ENDOD1: variants seen among roughly 807,000 people sequenced by gnomAD.
The protein encoded by ENDOD1 is endonuclease domain-containing 1 protein.
In ENDOD1, 9 loss-of-function variants were observed where a neutral mutation model predicts 6.5. The ratio of observed to expected loss-of-function variants is 1.39; its 90% CI spans 0.84 to 2.43. The LOEUF (loss-of-function observed/expected upper bound fraction) is 2.43, where lower values mean the gene tolerates loss of function less well. Ranked by LOEUF, ENDOD1 falls within the 30% of genes most tolerant of loss-of-function variation. ENDOD1 has a pLI of 0.00. For synonymous variants in ENDOD1, 255 were observed against 255.2 expected (o/e 1.00, Z 0.01); for missense variants, 648 against 635.5 (o/e 1.02, Z -0.21).
chr11:95,129,537 G>A lies in ENDOD1; in HGVS notation c.1461G>A (p.Arg487=). 6.2e-7 allele frequency: 1 copy of A among 1,614,078 alleles called. No homozygotes were observed. The highest frequency in any genetic ancestry group is 8.5e-7 in the Non-Finnish European group (1 of 1,179,986). ...LFQVVFSVCK[R]IGYKVTFDNS... ...AGGTGGTTTTTAGTGTCTGCAAGCG[G>A]ATTGGCTACAAGGTTACTTTTGACA... The change falls in exon 2 of 2, where the codon CGG becomes CGA. Residue 487 remains arginine (R), a synonymous_variant. Transcript: ENST00000278505.
chr11:95,093,178 A>G (rs1333480760), intron 1 of ENDOD1, among the ~76,000 whole-genome samples: 3 of 152,248 alleles, frequency 2.0e-5, no homozygotes, highest in Non-Finnish European at 4.4e-5. Flanking sequence ...ACACTGCAGA[A>G]TGCAGTTTAC....
chr11:95,105,129 G>C (rs1002731947), intron 1 of ENDOD1, among the ~76,000 whole-genome samples: 1 of 152,190 alleles, frequency 6.6e-6, no homozygotes, highest in Admixed American at 6.5e-5. Flanking sequence ...CACTGGGGCC[G>C]TATCAGTCAG....
intron 1 of ENDOD1, among the ~76,000 whole-genome samples, chr11:95,127,374 A>C (rs538833910): frequency 1.3e-5 from 2 of 152,366 alleles, no homozygotes; most frequent in South Asian, 4.1e-4. Flanking sequence ...TATATAGCAC[A>C]TGTCTAGATT....
chr11:95,125,795 A>G (rs1424420755), intron 1 of ENDOD1, among the ~76,000 whole-genome samples: 1 of 152,144 alleles, frequency 6.6e-6, no homozygotes, highest in Non-Finnish European at 1.5e-5. Context: ...GTGGCTGCAT[A>G]GTATTCCATG....
rs184927993 is a variant in ENDOD1, at chr11:95,107,429, G to C, written c.300+17202G>C. 1.4e-3 allele frequency among the ~76,000 whole-genome samples: 212 copies of C among 152,046 alleles called. 2 individuals carry two copies. Among genetic ancestry groups the C allele is most frequent in the African/African-American group, 5.0e-3 (206 of 41,494 alleles). ...TGTGCAGCCAGGCCTAAGAACCTTT[G>C]ATCTTGTCTGAACTCAGAAGGTGGA... On this transcript the variant is annotated intron_variant, in intron 1 of 1. Coordinates refer to ENST00000278505, the MANE Select transcript of ENDOD1 (RefSeq NM_015036.3).
rs543859470 is a variant in ENDOD1, at chr11:95,097,064, A to G, written c.300+6837A>G. 4.0e-5 allele frequency among the ~76,000 whole-genome samples: 6 copies of G among 150,726 alleles called. No homozygotes were observed. The East Asian group carries it at 1.2e-3, about 30-fold the overall frequency. ...AACTACTCATGGAGGCTAAGGTGGGAGGATCATTTGGGCCTGGGAGGTAGA... is the reference window on the plus strand; with the variant it reads ...AACTACTCATGGAGGCTAAGGTGGGGGGATCATTTGGGCCTGGGAGGTAGA... On this transcript the variant is annotated intron_variant, in intron 1 of 1. Coordinates refer to ENST00000278505, the MANE Select transcript of ENDOD1 (RefSeq NM_015036.3).
chr11:95,125,422 C>T (rs1420051023), intron 1 of ENDOD1, among the ~76,000 whole-genome samples: 1 of 152,080 alleles, frequency 6.6e-6, no homozygotes, highest in Non-Finnish European at 1.5e-5. Flanking sequence ...GCAGCTTAAC[C>T]AAATGAATGA....
At chr11:95,094,839 C>G (rs1462596865) in intron 1 of ENDOD1, among the ~76,000 whole-genome samples, 1 of 152,208 alleles carries the variant, frequency 6.6e-6, no homozygotes, top group East Asian at 1.9e-4. Context: ...GATCCCTGCT[C>G]TTCCATTTAC....
At chr11:95,104,482 TATCTCATC>T (rs1242749830) in intron 1 of ENDOD1, among the ~76,000 whole-genome samples, 3 of 151,322 alleles carry the variant, frequency 2.0e-5, no homozygotes, top group African/African-American at 7.3e-5. Context: ...AAGGACAACT[TATCTCATC>T]ATCTTCATTT....
intron 1 of ENDOD1, among the ~76,000 whole-genome samples, chr11:95,104,157 C>T (rs1222508146): frequency 1.3e-5 from 2 of 152,206 alleles, no homozygotes; most frequent in African/African-American, 4.8e-5. Context: ...GGGATCAAGA[C>T]AACTTGTCCC....
rs1859358838 is a variant in ENDOD1, at chr11:95,130,327, T to C, written c.*748T>C. On this transcript the variant is annotated 3_prime_UTR_variant, in exon 2 of 2. Transcript: ENST00000278505. Reference sequence around the variant, plus strand: ...TTGAAGGGCAAAGTTTTCTTTTCTTTTTTTTTTGGGCCCCTTGAATGGTAT... The same window carrying C: ...TTGAAGGGCAAAGTTTTCTTTTCTTCTTTTTTTGGGCCCCTTGAATGGTAT... 1 of 151,838 alleles carries C rather than the reference T, an allele frequency of 6.6e-6. No homozygotes were observed. Among genetic ancestry groups the C allele is most frequent in the South Asian group, 2.1e-4 (1 of 4,816 alleles). The allele number at this position is 151,838 out of a possible 1,614,324, so 9.4% of individuals were successfully genotyped here.
chr11:95,096,979 A>G (rs1004248956), intron 1 of ENDOD1, among the ~76,000 whole-genome samples: 1 of 152,182 alleles, frequency 6.6e-6, no homozygotes, highest in Non-Finnish European at 1.5e-5. Context: ...CCTGGGCAAC[A>G]TGGCAAAAAC....
intron 1 of ENDOD1, among the ~76,000 whole-genome samples, chr11:95,110,640 AAC>A (rs1555111836): frequency 1.3e-5 from 2 of 151,696 alleles, no homozygotes; most frequent in Non-Finnish European, 2.9e-5. Context: ...CAACATTAGT[AAC>A]ACATTACAAG....
At chr11:95,100,627 G>A (rs1168694859) in intron 1 of ENDOD1, among the ~76,000 whole-genome samples, 1 of 151,804 alleles carries the variant, frequency 6.6e-6, no homozygotes, top group African/African-American at 2.4e-5. Context: ...TAGACCACAG[G>A]CATGTGCCAC....
At chr11:95,090,392 C>T (rs1189020909) in intron 1 of ENDOD1, among the ~76,000 whole-genome samples, 165 bp downstream of exon 1, 1 of 58 alleles carries the variant, frequency 0.017, no homozygotes, top group Non-Finnish European at 0.045. Flanking sequence ...TGTTGCGTCC[C>T]CGGAGTTAGC....
chr11:95,108,505 A>T (rs1859114300), intron 1 of ENDOD1, among the ~76,000 whole-genome samples: 1 of 151,216 alleles, frequency 6.6e-6, no homozygotes, highest in Admixed American at 6.6e-5. Context: ...ACACACACAC[A>T]CACACACACA....
intron 1 of ENDOD1, among the ~76,000 whole-genome samples, chr11:95,116,628 T>C (rs1301140040): frequency 6.6e-6 from 1 of 152,230 alleles, no homozygotes; most frequent in Admixed American, 6.5e-5. Flanking sequence ...CTTATGCCTA[T>C]AGACTTCCCT....
chr11:95,103,096 AGTGGGTGT>A lies in ENDOD1; in HGVS notation c.300+12873_300+12880del, dbSNP rs781961095. ...AAGAGGAAGCTAAGGAACTAGGCAG[AGTGGGTGT>A]GTGTGTGTGTGTGTGTGTGTGTGTG... On this transcript the variant is annotated intron_variant, in intron 1 of 1. Coordinates refer to ENST00000278505, the MANE Select transcript of ENDOD1 (RefSeq NM_015036.3). Among the ~76,000 whole-genome samples, 83 of 56,500 alleles carry A rather than the reference AGTGGGTGT, an allele frequency of 1.5e-3. 1 individual carries two copies. The highest frequency in any genetic ancestry group is 3.8e-3 in the Admixed American group (23 of 6,114). The allele number at this position is 56,500 out of a possible 152,430, so 37.1% of individuals were successfully genotyped here.
chr11:95,126,828 G>A (rs1405938322), intron 1 of ENDOD1, among the ~76,000 whole-genome samples: 2 of 151,886 alleles, frequency 1.3e-5, no homozygotes, highest in Non-Finnish European at 2.9e-5. Context: ...CCACAGGTGT[G>A]TACCACCATG....
Sources: gnomAD v4.1 joint callset for allele counts (sites outside exome capture counted in the v4.1 genomes callset) on GRCh38, gnomAD v4.1.1 for gene constraint, MANE v1.5 for transcripts, NCBI Gene and HGNC (gene_info 2026-07-23, HGNC 2026-07-21) for gene names.